Variants in UAP1 observed in about 807,000 individuals in gnomAD.
The protein encoded by UAP1 is UDP-N-acetylhexosamine pyrophosphorylase.
UAP1 carries 25 observed loss-of-function variants against 58.5 expected under a neutral mutation model. That is an observed-to-expected ratio of 0.43 (90% CI 0.31 to 0.60). The LOEUF is 0.60. Among genes scored for constraint, UAP1 ranks in the 20% least tolerant of loss-of-function variants. UAP1 has a pLI of 0.11. For synonymous variants in UAP1, 208 were observed against 213.0 expected (o/e 0.98, Z 0.21); for missense variants, 575 against 630.0 (o/e 0.91, Z 0.93).
chr1:162,590,035 T>TG (rs1655201833), intron 7 of UAP1, among the ~76,000 whole-genome samples: 1 of 151,648 alleles, frequency 6.6e-6, no homozygotes, highest in Admixed American at 6.6e-5. Context: ...TTGCCTGTTT[T>TG]TTTTTTTTTC....
chr1:162,596,427 G>A (rs906818893), intron 9 of UAP1, among the ~76,000 whole-genome samples: 3 of 152,086 alleles, frequency 2.0e-5, no homozygotes, highest in Non-Finnish European at 4.4e-5. Context: ...CACCCACCGC[G>A]GCCTCCCAAA....
chr1:162,566,129 T>G (rs376813147), exon 2 of UAP1: 29 of 1,613,230 alleles, frequency 1.8e-5, no homozygotes, highest in Non-Finnish European at 2.4e-5. Flanking sequence ...CCTACTACGT[T>G]TCTGGAATGA....
intron 3 of UAP1, among the ~76,000 whole-genome samples, chr1:162,578,769 T>C (rs557455228): frequency 7.5e-4 from 114 of 152,344 alleles, no homozygotes; most frequent in African/African-American, 2.5e-3. Flanking sequence ...TGTTTATTCA[T>C]TTAACAAATA....
chr1:162,590,276 T>G, intron 7 of UAP1, 47 bp from the exon 8 acceptor site: 3 of 1,491,132 alleles, frequency 2.0e-6, no homozygotes, highest in Non-Finnish European at 2.7e-6. Context: ...TTAGAAGCTG[T>G]GTATGCAGTT....
At chr1:162,575,029 T>C (rs1654088352) in intron 2 of UAP1, among the ~76,000 whole-genome samples, 1 of 152,208 alleles carries the variant, frequency 6.6e-6, no homozygotes, top group Non-Finnish European at 1.5e-5. Context: ...TACATTCTTC[T>C]TAGCTGGTAT....
chr1:162,567,217 C>T (rs762643814), intron 2 of UAP1, among the ~76,000 whole-genome samples: 5 of 152,176 alleles, frequency 3.3e-5, no homozygotes, highest in Non-Finnish European at 7.4e-5. Flanking sequence ...ATGACCTTTT[C>T]TTTTGTGTCC....
At chr1:162,579,937 T>C (rs1384052454) in intron 4 of UAP1, among the ~76,000 whole-genome samples, 1 of 152,234 alleles carries the variant, frequency 6.6e-6, no homozygotes, top group Non-Finnish European at 1.5e-5. Flanking sequence ...CAATCTCGGC[T>C]CACTGCAACC....
chr1:162,562,458 C>T (rs979049037), intron 1 of UAP1: 1 of 151,610 alleles, frequency 6.6e-6, no homozygotes, highest in African/African-American at 2.4e-5. Context: ...GGTTTCCCCT[C>T]TCTTGGCCAA....
intron 2 of UAP1, among the ~76,000 whole-genome samples, chr1:162,567,364 G>C (rs577270438): frequency 6.6e-6 from 1 of 152,290 alleles, no homozygotes; most frequent in African/African-American, 2.4e-5. Flanking sequence ...TAGAACAAGA[G>C]TTTTATAGTT....
chr1:162,569,611 T>G (rs1488517344), intron 2 of UAP1, among the ~76,000 whole-genome samples: 3 of 152,238 alleles, frequency 2.0e-5, no homozygotes, highest in African/African-American at 7.2e-5. Flanking sequence ...CATTCTTTAT[T>G]AAAACAAATG....
At chr1:162,585,836 A>C (rs1484368238) in intron 5 of UAP1, among the ~76,000 whole-genome samples, 1 of 151,966 alleles carries the variant, frequency 6.6e-6, no homozygotes, top group Non-Finnish European at 1.5e-5. Flanking sequence ...TTCCCTGCCT[A>C]GTAAGATACC....
At chr1:162,595,278 A>G (rs2101841856) in intron 9 of UAP1, among the ~76,000 whole-genome samples, 1 of 152,330 alleles carries the variant, frequency 6.6e-6, no homozygotes, top group East Asian at 1.9e-4. Context: ...TGGAAGTTAC[A>G]TATTCAGGCC....
chr1:162,592,374 G>A (rs1655369054), intron 8 of UAP1, among the ~76,000 whole-genome samples: 1 of 152,314 alleles, frequency 6.6e-6, no homozygotes, highest in South Asian at 2.1e-4. Context: ...GGGTGACAGA[G>A]TGAGACTCCA....
intron 9 of UAP1, chr1:162,593,172 T>C (rs945880744): frequency 1.9e-5 from 4 of 205,162 alleles, no homozygotes; most frequent in Non-Finnish European, 3.9e-5. Context: ...GTGTATGCTC[T>C]CAGTATACAG....
chr1:162,578,984 T>G (rs1654381293), intron 3 of UAP1, among the ~76,000 whole-genome samples: 1 of 152,220 alleles, frequency 6.6e-6, no homozygotes, highest in Non-Finnish European at 1.5e-5. Flanking sequence ...TATACTTTTA[T>G]GATTTTTAAA....
At chr1:162,599,441 C>T in exon 11 of UAP1, 1 of 903,586 alleles carries the variant, frequency 1.1e-6, no homozygotes. Flanking sequence ...TACAAGACGT[C>T]TTGGACAACT....
At chr1:162,589,366 G>A (rs1019410153) in intron 7 of UAP1, among the ~76,000 whole-genome samples, 12 of 144,660 alleles carry the variant, frequency 8.3e-5, no homozygotes, top group African/African-American at 2.3e-4. Context: ...TTGAGCAGGC[G>A]GGTCTCAAAC....
intron 2 of UAP1, among the ~76,000 whole-genome samples, chr1:162,567,423 C>G (rs1653585576): frequency 6.6e-6 from 1 of 152,144 alleles, no homozygotes; most frequent in Non-Finnish European, 1.5e-5. Context: ...GCTTTTCATT[C>G]TAAAGCATGT....
chr1:162,587,540 G>A (rs1571082570), exon 6 of UAP1: 1 of 1,614,084 alleles, frequency 6.2e-7, no homozygotes, highest in East Asian at 2.2e-5. Flanking sequence ...GAGTTTACCA[G>A]GTGGTAGAAT....
Sources: gnomAD v4.1 joint callset for allele counts (sites outside exome capture counted in the v4.1 genomes callset) on GRCh38, gnomAD v4.1.1 for gene constraint, MANE v1.5 for transcripts, NCBI Gene and HGNC (gene_info 2026-07-23, HGNC 2026-07-21) for gene names.